Variants in SVIL observed in about 807,000 individuals in gnomAD.
The protein encoded by SVIL is supervillin, also known as archvillin.
SVIL carries 101 observed loss-of-function variants against 240.4 expected under a neutral mutation model. The ratio of observed to expected loss-of-function variants is 0.42; its 90% CI spans 0.36 to 0.50. The LOEUF (loss-of-function observed/expected upper bound fraction) is 0.50, where lower values mean the gene tolerates loss of function less well. Ranked by LOEUF, SVIL falls within the 20% of genes least tolerant of loss-of-function variation. The pLI is 0.01. For missense variants in SVIL, 2,512 were observed against 2,818.7 expected (o/e 0.89, Z 2.46); for synonymous variants, 999 against 1,100.0 (o/e 0.91, Z 1.82).
At chr10:29,630,362 G>A (rs1360043103) in intron 1 of SVIL, among the ~76,000 whole-genome samples, 1 of 152,154 alleles carries the variant, frequency 6.6e-6, no homozygotes, top group Non-Finnish European at 1.5e-5. Context: ...TGGGATTAAA[G>A]GATCAACTTT....
In SVIL at chr10:29,500,674, C is replaced by A. The variant is rs537800466; in HGVS notation, c.3517-1411G>T. On this transcript the variant is annotated intron_variant, in intron 17 of 37. Coordinates refer to ENST00000355867, the MANE Select transcript of SVIL (RefSeq NM_021738.3). The stretch of plus-strand genomic sequence containing the variant: ...TCAACTTATTCTAGCAGGTCCCCCA[C>A]CTTTTCTGCCTTCCTAAGGCATTTT... 3.3e-5 allele frequency among the ~76,000 whole-genome samples: 5 copies of A among 152,318 alleles called. No homozygotes were observed. The South Asian group carries it at 1.0e-3, about 32-fold the overall frequency.
In SVIL at chr10:29,575,893, A is replaced by G. The variant is rs530137401; in HGVS notation, c.-200-6581T>C. 5.3e-5 allele frequency among the ~76,000 whole-genome samples: 8 copies of G among 152,332 alleles called. No individual in the cohort carries two copies. In the East Asian group the frequency reaches 9.6e-4, roughly 18 times the overall value. ...GACACATTGGAATTTTGCTCAATGC[A>G]TTATAGTCATTGAGGTCTAAATACA... On this transcript the variant is annotated intron_variant, in intron 1 of 37. Transcript: ENST00000355867.
intron 2 of SVIL, among the ~76,000 whole-genome samples, chr10:29,664,083 G>A (rs1005441230): frequency 1.3e-5 from 2 of 152,096 alleles, no homozygotes; most frequent in African/African-American, 2.4e-5. Flanking sequence ...TGACAGCACA[G>A]GTTCTTAAAA....
chr10:29,525,112 T>C (rs1036315785), intron 13 of SVIL, among the ~76,000 whole-genome samples: 1 of 152,166 alleles, frequency 6.6e-6, no homozygotes, highest in Admixed American at 6.5e-5. Context: ...GTTCAGAAGG[T>C]GGTCTTTCAT....
At chr10:29,573,211 G>A (rs1052114678) in intron 1 of SVIL, among the ~76,000 whole-genome samples, 5 of 151,818 alleles carry the variant, frequency 3.3e-5, no homozygotes, top group Admixed American at 6.6e-5. Flanking sequence ...TCCCCTTCCC[G>A]TATTCGAAAT....
chr10:29,600,626 C>T (rs1186320581), intron 1 of SVIL, among the ~76,000 whole-genome samples: 2 of 152,182 alleles, frequency 1.3e-5, no homozygotes, highest in Non-Finnish European at 2.9e-5. Flanking sequence ...AAGTTTGTCA[C>T]TTGGGGATGC....
At chr10:29,571,361 G>A (rs553167961) in intron 1 of SVIL, among the ~76,000 whole-genome samples, 1 of 152,314 alleles carries the variant, frequency 6.6e-6, no homozygotes, top group South Asian at 2.1e-4. Context: ...AGACAGTGCT[G>A]CAACCTAACC....
chr10:29,517,823 C>T (rs1260031755), intron 16 of SVIL, among the ~76,000 whole-genome samples: 1 of 152,184 alleles, frequency 6.6e-6, no homozygotes, highest in African/African-American at 2.4e-5. Context: ...GCTCAGATGC[C>T]ACTGTTTCTG....
intron 21 of SVIL, among the ~76,000 whole-genome samples, chr10:29,492,727 G>A (rs1948088526): frequency 6.6e-6 from 1 of 152,148 alleles, no homozygotes; most frequent in South Asian, 2.1e-4. Context: ...AAAGCCCGCA[G>A]ATCTATTGAT....
chr10:29,636,131 T>TAACA (rs376853007), upstream of SVIL, among the ~76,000 whole-genome samples: 1 of 151,322 alleles, frequency 6.6e-6, no homozygotes, highest in African/African-American at 2.4e-5. Flanking sequence ...CATCTCAAGA[T>TAACA]AACAAACAAA....
chr10:29,533,945 C>T (rs996753578), intron 7 of SVIL, among the ~76,000 whole-genome samples: 15 of 152,132 alleles, frequency 9.9e-5, no homozygotes, highest in Non-Finnish European at 1.5e-4. Context: ...AGAGCACTCA[C>T]GATTATTTAT....
At chr10:29,716,989 G>A (rs1300393388) in intron 1 of SVIL, among the ~76,000 whole-genome samples, 1 of 152,166 alleles carries the variant, frequency 6.6e-6, no homozygotes, top group African/African-American at 2.4e-5. Flanking sequence ...CCAGCACTTT[G>A]GGAGGCCAAG....
At position 29,524,665 on chromosome 10, in the gene SVIL, T is replaced by C; in HGVS notation, c.2393A>G (p.Glu798Gly). The change falls in exon 14 of 38, where the codon GAG becomes GGG. Residue 798 changes from glutamate (E) to glycine (G), a missense_variant. Glu to Gly is a moderately conservative substitution (Grantham distance 98). Around this residue, in one of 3 missense-constraint regions of SVIL, gnomAD observed 1,443 missense variants for 1,486.6 expected, o/e 0.97. Coordinates refer to ENST00000355867, the MANE Select transcript of SVIL (RefSeq NM_021738.3). ...TCCTTGCTCAGCAAGCTCTTTGCCCTCATTTGTCTGGTCCTTGGCTAAGGC... is the reference window on the plus strand; with the variant it reads ...TCCTTGCTCAGCAAGCTCTTTGCCCCCATTTGTCTGGTCCTTGGCTAAGGC... ...QKALAKDQTN[E>G]GKELAEQGEP... 1 of 1,614,152 alleles carries C rather than the reference T, an allele frequency of 6.2e-7. No individual in the cohort carries two copies. Among genetic ancestry groups the C allele is most frequent in the Non-Finnish European group, 8.5e-7 (1 of 1,180,006 alleles).
intron 6 of SVIL, among the ~76,000 whole-genome samples, chr10:29,549,183 CAAA>C (rs1952985812): frequency 7.0e-6 from 1 of 141,862 alleles, no homozygotes; most frequent in Non-Finnish European, 1.5e-5. Flanking sequence ...AAAAAACAAA[CAAA>C]CAACCCCATC....
At chr10:29,663,943 A>C (rs10826675) in intron 2 of SVIL, among the ~76,000 whole-genome samples, 34,407 of 152,048 alleles carry the variant, frequency 0.23, 4,984 homozygotes, top group African/African-American at 0.41. Flanking sequence ...CTAAAATAAG[A>C]ACCACAATCC....
rs746016554 is a variant in SVIL, at chr10:29,480,783, C to T, written c.5131G>A (p.Asp1711Asn). 1.3e-5 allele frequency: 21 copies of T among 1,612,406 alleles called. No homozygotes were observed. Among genetic ancestry groups the T allele is most frequent in the African/African-American group, 6.7e-5 (5 of 74,926 alleles). Reference sequence around the variant, plus strand: ...GGCATGGACACCATCCGTGTCACATCGTATGCCTTGACATCAGTCCTGGGG... The same window carrying T: ...GGCATGGACACCATCCGTGTCACATTGTATGCCTTGACATCAGTCCTGGGG... The part of the protein sequence containing the change: ...EDPRTDVKAY[D>N]VTRMVSMPQT... Residue 1711 changes from aspartate to asparagine, a missense_variant, in exon 29 of 38, where the codon GAT becomes AAT. Coordinates refer to ENST00000355867, the MANE Select transcript of SVIL (RefSeq NM_021738.3).
At chr10:29,564,445 G>C (rs3758370) in intron 2 of SVIL, among the ~76,000 whole-genome samples, 65,739 of 151,922 alleles carry the variant, frequency 0.43, 14,311 homozygotes, top group African/African-American at 0.47. Flanking sequence ...CCTGTGGAAA[G>C]AGGGAACTGC....
chr10:29,487,080 T>G, intron 24 of SVIL, 83 bp downstream of exon 24: 2 of 1,522,538 alleles, frequency 1.3e-6, no homozygotes, highest in Non-Finnish European at 1.8e-6. Context: ...TTTGAGAAGC[T>G]TTGTGACTGA....
chr10:29,735,215 C>G lies in SVIL; in HGVS notation c.-400+536G>C, dbSNP rs1477735920. Reference sequence around the variant, plus strand: ...GGCGCACCACGCATCGGGTTCAAACCCGCGCGGGCCCTGCGGAGGCGCCGG... The same window carrying G: ...GGCGCACCACGCATCGGGTTCAAACGCGCGCGGGCCCTGCGGAGGCGCCGG... On this transcript the variant is annotated intron_variant, in intron 1 of 35. Transcript: ENST00000375400. This position sits in a 1 kb window ranked among gnomAD's most constrained non-coding sequence, Gnocchi z 4.1. Among the ~76,000 whole-genome samples, 1 of 152,138 alleles carries G rather than the reference C, an allele frequency of 6.6e-6. No homozygotes were observed. The highest frequency in any genetic ancestry group is 2.4e-5 in the African/African-American group (1 of 41,434).
Sources: allele counts gnomAD v4.1 joint callset (sites outside exome capture counted in the v4.1 genomes callset), GRCh38; gene constraint gnomAD v4.1.1; regional missense constraint gnomAD v4.1.1; non-coding constraint Gnocchi (gnomAD v3.1); transcripts MANE v1.5; gene names NCBI Gene and HGNC (gene_info 2026-07-23, HGNC 2026-07-21).